The following SYNJ2BP variants were observed in gnomAD, a reference collection of about 807,000 sequenced individuals.
SYNJ2BP encodes synaptojanin 2 binding protein, also known as synaptojanin-2-binding protein.
In SYNJ2BP, 10 loss-of-function variants were observed where a neutral mutation model predicts 16.9. The ratio of observed to expected loss-of-function variants is 0.59; its 90% CI spans 0.36 to 1.00. SYNJ2BP has a LOEUF of 1.00. Ranked by LOEUF, SYNJ2BP falls within the 50% of genes least tolerant of loss-of-function variation. SYNJ2BP has a pLI of 0.01. For synonymous variants in SYNJ2BP, 54 were observed against 68.4 expected (o/e 0.79, Z 1.04); for missense variants, 162 against 186.7 (o/e 0.87, Z 0.77).
chr14:70,384,492 G>C (rs115058122), intron 2 of SYNJ2BP, among the ~76,000 whole-genome samples: 132,557 of 151,852 alleles, frequency 0.87, 57,918 homozygotes, highest in East Asian at 0.93. Context: ...ACGATGTCAC[G>C]GGTAAGTGAT....
intron 2 of SYNJ2BP, among the ~76,000 whole-genome samples, chr14:70,388,220 T>C (rs1385617627): frequency 9.2e-5 from 14 of 152,250 alleles, no homozygotes. Context: ...CGCTGCTTCC[T>C]GCCTTGTGCT....
intron 1 of SYNJ2BP, among the ~76,000 whole-genome samples, chr14:70,389,956 T>C (rs1188053039): frequency 6.6e-6 from 1 of 152,238 alleles, no homozygotes; most frequent in African/African-American, 2.4e-5. Flanking sequence ...AGAGATCTGC[T>C]GTACAACATT....
At chr14:70,391,271 G>T (rs1219539203) in intron 1 of SYNJ2BP, among the ~76,000 whole-genome samples, 1 of 152,188 alleles carries the variant, frequency 6.6e-6, no homozygotes, top group Admixed American at 6.5e-5. Context: ...AACATAGCAA[G>T]ACCCTATTCT....
rs947023316 is a variant in SYNJ2BP, at chr14:70,372,551, G to A, written c.*440C>T. ...ACTCTTTGTCGATATAGGCACCCAGGTACGTAGTTAGAAATTAAATAAAGG... is the reference window on the plus strand; with the variant it reads ...ACTCTTTGTCGATATAGGCACCCAGATACGTAGTTAGAAATTAAATAAAGG... On this transcript the variant is annotated 3_prime_UTR_variant, in exon 4 of 4. Transcript: ENST00000256366. The A allele has an allele frequency of 6.2e-6, 1 of 160,690 alleles. No homozygotes were observed. The highest frequency in any genetic ancestry group is 1.4e-5 in the Non-Finnish European group (1 of 73,250). The allele number at this position is 160,690 out of a possible 1,614,324, so 10.0% of individuals were successfully genotyped here.
chr14:70,408,708 T>C (rs1888404751), intron 1 of SYNJ2BP, among the ~76,000 whole-genome samples: 1 of 151,884 alleles, frequency 6.6e-6, no homozygotes, highest in African/African-American at 2.4e-5. Context: ...CTCACAACTC[T>C]ATAAGTAGAT....
chr14:70,409,895 A>G (rs1417332199), intron 1 of SYNJ2BP, among the ~76,000 whole-genome samples: 1 of 151,864 alleles, frequency 6.6e-6, no homozygotes, highest in Non-Finnish European at 1.5e-5. Flanking sequence ...GGATCACTTG[A>G]GCCCAGGAGT....
chr14:70,398,029 G>A (rs887950391), intron 1 of SYNJ2BP, among the ~76,000 whole-genome samples: 2 of 152,236 alleles, frequency 1.3e-5, no homozygotes, highest in African/African-American at 2.4e-5. Context: ...ATCCCAATGA[G>A]TGTTCAACTC....
At chr14:70,385,380 A>G (rs1029602530) in intron 2 of SYNJ2BP, among the ~76,000 whole-genome samples, 1 of 151,910 alleles carries the variant, frequency 6.6e-6, no homozygotes, top group Non-Finnish European at 1.5e-5. Context: ...ATTTTGAGAT[A>G]GAGTCTCACT....
rs1887412471 is a variant in SYNJ2BP at position 70,367,422 on chromosome 14, C to G, written c.*5569G>C. The stretch of plus-strand genomic sequence containing the variant: ...ACTAAAAATACAAAAATTAGCCAGG[C>G]GTTGTGGCACACACCTGTAATCCCA... On this transcript the variant is annotated 3_prime_UTR_variant, in exon 4 of 4. Transcript: ENST00000256366. 1 of 151,766 alleles carries G rather than the reference C, an allele frequency of 6.6e-6. No individual in the cohort carries two copies. Among genetic ancestry groups the G allele is most frequent in the African/African-American group, 2.4e-5 (1 of 41,298 alleles). 9.4% of individuals were successfully genotyped at this position (151,766 alleles called of 1,614,324 possible). A position where few individuals can be genotyped will look rare whatever the true frequency, so the allele number is the denominator to read the frequency against.
At chr14:70,375,565 G>A in intron 3 of SYNJ2BP, 111 bp downstream of exon 3, 1 of 1,360,524 alleles carries the variant, frequency 7.4e-7, no homozygotes, top group African/African-American at 1.5e-5. Context: ...AAACTCTTCA[G>A]GGGAGTGAGG....
At chr14:70,411,682 T>A (rs1475897448) in intron 1 of SYNJ2BP, among the ~76,000 whole-genome samples, 3 of 152,228 alleles carry the variant, frequency 2.0e-5, no homozygotes, top group African/African-American at 7.2e-5. Flanking sequence ...GCCTGTCCAT[T>A]CCAGAAGACC....
intron 2 of SYNJ2BP, among the ~76,000 whole-genome samples, chr14:70,378,733 C>T (rs1009423712): frequency 1.3e-5 from 2 of 152,074 alleles, no homozygotes; most frequent in Non-Finnish European, 2.9e-5. Context: ...AGGCTGTTGA[C>T]ACTAAAAACA....
At chr14:70,377,873 T>G (rs1887666838) in intron 2 of SYNJ2BP, among the ~76,000 whole-genome samples, 1 of 152,232 alleles carries the variant, frequency 6.6e-6, no homozygotes, top group South Asian at 2.1e-4. Flanking sequence ...TCCTCTTTCT[T>G]TGACTGCTAA....
In SYNJ2BP at chr14:70,394,781, T is replaced by C. The variant is rs2140846228; in HGVS notation, c.65-6175A>G. On this transcript the variant is annotated intron_variant, in intron 1 of 3. Transcript: ENST00000256366. ...TAATGTTTACCAAGACCTTATTATGTACCAAATAATATGCTATGTACTTTA... is the reference window on the plus strand; with the variant it reads ...TAATGTTTACCAAGACCTTATTATGCACCAAATAATATGCTATGTACTTTA... Among the ~76,000 whole-genome samples, 3 of 152,292 alleles carry C rather than the reference T, an allele frequency of 2.0e-5. No homozygotes were observed. The South Asian group carries it at 6.2e-4, about 32-fold the overall frequency.
intron 1 of SYNJ2BP, 98 bp from the exon 2 acceptor site, chr14:70,388,704 A>G (rs1284597361): frequency 7.3e-6 from 10 of 1,368,928 alleles, no homozygotes; most frequent in Non-Finnish European, 9.4e-6. Context: ...ACTGGGGAGG[A>G]AAGGCTGATG....
intron 2 of SYNJ2BP, among the ~76,000 whole-genome samples, chr14:70,381,655 CCCA>C (rs1887752672): frequency 6.6e-6 from 1 of 152,144 alleles, no homozygotes; most frequent in Admixed American, 6.5e-5. Context: ...AAAGTGTGGT[CCCA>C]CCACCAGCAG....
intron 1 of SYNJ2BP, among the ~76,000 whole-genome samples, chr14:70,390,673 A>T (rs117886419): frequency 0.044 from 6,761 of 151,958 alleles, 202 homozygotes; most frequent in Non-Finnish European, 0.07. Flanking sequence ...ATCTCAAAAA[A>T]AAAAATAAAA....
rs1168637164 is a variant in SYNJ2BP at position 70,369,186 on chromosome 14, G to C, written c.*3805C>G. 6.6e-6 allele frequency: 1 copy of C among 152,098 alleles called. No individual in the cohort carries two copies. The highest frequency in any genetic ancestry group is 2.1e-4 in the South Asian group (1 of 4,832). The allele number at this position is 152,098 out of a possible 1,614,324, so 9.4% of individuals were successfully genotyped here. ...GGCTAGAATGAAGTGGAGCAATCAC[G>C]GCTCACTGCACCTCAGTCTCCTGGG... On this transcript the variant is annotated 3_prime_UTR_variant, in exon 4 of 4. Coordinates refer to ENST00000256366, the MANE Select transcript of SYNJ2BP (RefSeq NM_018373.3).
intron 2 of SYNJ2BP, 77 bp from the exon 3 acceptor site, chr14:70,375,848 T>G (rs893239204): frequency 6.4e-7 from 1 of 1,573,802 alleles, no homozygotes; most frequent in East Asian, 2.3e-5. Flanking sequence ...ATGGCCAAAC[T>G]TTAAATAACA....
Sources: gnomAD v4.1 joint callset for allele counts (sites outside exome capture counted in the v4.1 genomes callset) on GRCh38, gnomAD v4.1.1 for gene constraint, MANE v1.5 for transcripts, NCBI Gene and HGNC (gene_info 2026-07-23, HGNC 2026-07-21) for gene names.